Variants in PTPRN2 observed in about 807,000 individuals in gnomAD.
The protein encoded by PTPRN2 is receptor-type tyrosine-protein phosphatase N2.
A neutral mutation model predicts 118.8 loss-of-function variants in PTPRN2; 74 were observed. That is an observed-to-expected ratio of 0.62 (90% CI 0.52 to 0.76). The LOEUF is 0.76. Among genes scored for constraint, PTPRN2 ranks in the 30% least tolerant of loss-of-function variants. The pLI is 0.00. For missense variants in PTPRN2, 1,481 were observed against 1,394.4 expected (o/e 1.06, Z -0.99); for synonymous variants, 641 against 608.0 (o/e 1.05, Z -0.80).
chr7:158,243,397 C>T (rs1000370506), intron 3 of PTPRN2, among the ~76,000 whole-genome samples: 1 of 152,178 alleles, frequency 6.6e-6, no homozygotes, highest in Non-Finnish European at 1.5e-5. Flanking sequence ...CCCATGTGAG[C>T]ACAACAGCCT....
rs139800330 is a variant in PTPRN2, at chr7:158,472,735, G to A, written c.163+17000C>T. On this transcript the variant is annotated intron_variant, in intron 2 of 22. Coordinates refer to ENST00000389418, the MANE Select transcript of PTPRN2 (RefSeq NM_002847.5). ...GCCTCAAAAGACAGAGCAGACCAACGTCCCAAGAATGATTAGACGGCGCCT... is the reference window on the plus strand; with the variant it reads ...GCCTCAAAAGACAGAGCAGACCAACATCCCAAGAATGATTAGACGGCGCCT... Among the ~76,000 whole-genome samples the A allele has an allele frequency of 6.0e-3, 921 of 152,294 alleles. 10 individuals are homozygous for A. The highest frequency in any genetic ancestry group is 0.021 in the African/African-American group (874 of 41,550).
intron 1 of PTPRN2, among the ~76,000 whole-genome samples, chr7:158,491,092 C>G (rs1821410230): frequency 6.6e-6 from 1 of 152,228 alleles, no homozygotes; most frequent in Non-Finnish European, 1.5e-5. Flanking sequence ...GCCTAAAACC[C>G]TTACAGAGGA....
At chr7:158,127,936 A>G (rs1817831260) in intron 9 of PTPRN2, among the ~76,000 whole-genome samples, 1 of 152,206 alleles carries the variant, frequency 6.6e-6, no homozygotes, top group Non-Finnish European at 1.5e-5. Flanking sequence ...AAGGATAAAA[A>G]TGTAAATGGC....
chr7:158,140,325 A>G (rs1002758143), intron 6 of PTPRN2, among the ~76,000 whole-genome samples: 3 of 152,218 alleles, frequency 2.0e-5, no homozygotes, highest in Admixed American at 6.5e-5. Flanking sequence ...CCAAAAGGAC[A>G]TCTTCCGTAT....
At chr7:157,748,594 A>C (rs1801203868) in intron 12 of PTPRN2, among the ~76,000 whole-genome samples, 1 of 148,104 alleles carries the variant, frequency 6.8e-6, no homozygotes, top group Non-Finnish European at 1.5e-5. Context: ...GGTGATTCTG[A>C]GGTCTGCGTC....
chr7:157,734,595 A>C (rs1187792109), intron 12 of PTPRN2, among the ~76,000 whole-genome samples: 1 of 152,238 alleles, frequency 6.6e-6, no homozygotes. Context: ...GCAACATCCC[A>C]GTGACTAAAT....
At chr7:158,134,279 G>T (rs149607693) in intron 8 of PTPRN2, among the ~76,000 whole-genome samples, 1 of 152,016 alleles carries the variant, frequency 6.6e-6, no homozygotes, top group Non-Finnish European at 1.5e-5. Context: ...CTTACGTGCT[G>T]TTTTCTCCTC....
At chr7:158,193,322 GC>G (rs1825928876) in intron 4 of PTPRN2, among the ~76,000 whole-genome samples, 1 of 152,208 alleles carries the variant, frequency 6.6e-6, no homozygotes, top group Non-Finnish European at 1.5e-5. Context: ...GCCACATGTG[GC>G]CCCCACTAAT....
chr7:158,581,681 TC>T (rs1828634218), intron 1 of PTPRN2, among the ~76,000 whole-genome samples: 3 of 152,298 alleles, frequency 2.0e-5, no homozygotes, highest in African/African-American at 7.2e-5. Context: ...GTTTTCTGAA[TC>T]CCAGTTAGGA....
At chr7:158,171,318 T>TAC (rs1318559722) in intron 5 of PTPRN2, among the ~76,000 whole-genome samples, 1,204 of 93,808 alleles carry the variant, frequency 0.013, 143 homozygotes, top group African/African-American at 0.051. Flanking sequence ...CATATATATA[T>TAC]ATATATATAT....
intron 3 of PTPRN2, among the ~76,000 whole-genome samples, chr7:158,260,757 C>G (rs368864680): frequency 6.6e-6 from 1 of 152,136 alleles, no homozygotes; most frequent in Non-Finnish European, 1.5e-5. Flanking sequence ...AAAACACCCT[C>G]GCTGCCACGC....
chr7:157,810,611 T>C (rs1585527710), intron 12 of PTPRN2, among the ~76,000 whole-genome samples: 1 of 67,212 alleles, frequency 1.5e-5, no homozygotes, highest in South Asian at 5.3e-4. Context: ...GCGGGACTGC[T>C]GGGGGCTGGG....
chr7:158,329,612 T>G (rs1803970952), intron 2 of PTPRN2, among the ~76,000 whole-genome samples: 1 of 152,216 alleles, frequency 6.6e-6, no homozygotes, highest in Admixed American at 6.5e-5. Context: ...GCTTCCAGCC[T>G]TCAGAACTGA....
At position 157,694,322 on chromosome 7, in the gene PTPRN2, C is replaced by G. The variant is rs1797665160; in HGVS notation, c.1789-11385G>C. 1.3e-5 allele frequency among the ~76,000 whole-genome samples: 2 copies of G among 152,164 alleles called. 1 individual carries two copies. Among genetic ancestry groups the G allele is most frequent in the South Asian group, 4.2e-4 (2 of 4,812 alleles). On this transcript the variant is annotated intron_variant, in intron 12 of 22. Transcript: ENST00000389418. ...GCGGGTTCACCAGCAGAACAGCACA[C>G]TTCCTCGTCCACGCCTTGGTGCACC...
At chr7:157,721,720 G>A (rs1206589842) in intron 12 of PTPRN2, among the ~76,000 whole-genome samples, 1 of 152,182 alleles carries the variant, frequency 6.6e-6, no homozygotes, top group African/African-American at 2.4e-5. Flanking sequence ...ACAGATGTTT[G>A]GGGAGAGGCT....
rs2095593946 is a variant in PTPRN2 at position 158,574,611 on chromosome 7, G to A, written c.112+12947C>T. 6.6e-6 allele frequency among the ~76,000 whole-genome samples: 1 copy of A among 152,218 alleles called. No individual in the cohort carries two copies. The highest frequency in any genetic ancestry group is 2.4e-5 in the African/African-American group (1 of 41,462). ...TGTGGGGCAGCTCTGGCAGAAGAGT[G>A]ATAGGATCAGATTTTCAGTTGTGGC... On this transcript the variant is annotated intron_variant, in intron 1 of 22. Transcript: ENST00000389418. The surrounding 1 kb of genome is among the most constrained non-coding windows in gnomAD (Gnocchi z 4.6).
chr7:157,887,669 A>C (rs371029647), intron 12 of PTPRN2, among the ~76,000 whole-genome samples: 1 of 2,112 alleles, frequency 4.7e-4, no homozygotes, highest in Non-Finnish European at 7.8e-4. Flanking sequence ...CCCAGTACCC[A>C]CTTCCCCCAG....
At position 158,358,630 on chromosome 7, in the gene PTPRN2, A is replaced by G. The variant is rs564883053; in HGVS notation, c.164-41698T>C. On this transcript the variant is annotated intron_variant, in intron 2 of 22. Coordinates refer to ENST00000389418, the MANE Select transcript of PTPRN2 (RefSeq NM_002847.5). The stretch of plus-strand genomic sequence containing the variant: ...GACAGAATGGGACTCAGCCTCAGAA[A>G]GGAAGGAGACGCTGACACAGTCCAC... Among the ~76,000 whole-genome samples, 277 of 152,368 alleles carry G rather than the reference A, an allele frequency of 1.8e-3. 1 individual carries two copies. The highest frequency in any genetic ancestry group is 1.8e-3 in the Non-Finnish European group (122 of 68,044).
intron 5 of PTPRN2, among the ~76,000 whole-genome samples, chr7:158,180,245 T>C (rs1184365681): frequency 6.6e-6 from 1 of 152,320 alleles, no homozygotes; most frequent in South Asian, 2.1e-4. Context: ...CTTTCCCCAG[T>C]TTATGGTTTT....
Sources: gnomAD v4.1 joint callset for allele counts (sites outside exome capture counted in the v4.1 genomes callset) on GRCh38, gnomAD v4.1.1 for gene constraint, Gnocchi (gnomAD v3.1) non-coding constraint, MANE v1.5 for transcripts, NCBI Gene and HGNC (gene_info 2026-07-23, HGNC 2026-07-21) for gene names.